PSMF1: variants seen among roughly 807,000 people sequenced by gnomAD.
PSMF1 encodes the protein proteasome inhibitor subunit 1, also known as proteasome inhibitor PI31 subunit.
PSMF1 carries 30 observed loss-of-function variants against 29.3 expected under a neutral mutation model. The ratio of observed to expected loss-of-function variants is 1.02; its 90% CI spans 0.77 to 1.39. The LOEUF (loss-of-function observed/expected upper bound fraction) is 1.39. Among genes scored for constraint, PSMF1 ranks in the 40% most tolerant of loss-of-function variants. PSMF1 has a pLI of 0.00. For missense variants in PSMF1, 344 were observed against 357.5 expected (o/e 0.96, Z 0.31); for synonymous variants, 134 against 139.7 (o/e 0.96, Z 0.29).
At chr20:1,125,420 T>A (rs1452710660) in intron 1 of PSMF1, 78 bp from the exon 2 acceptor site, 20 of 1,432,672 alleles carry the variant, frequency 1.4e-5, no homozygotes, top group Non-Finnish European at 1.7e-5. Flanking sequence ...TGGGTAAGAT[T>A]AGCTTATCTC....
rs543445751 is a variant in PSMF1, at chr20:1,140,471, C to G, written c.551+5165C>G. Reference sequence around the variant, plus strand: ...ACACACCTGAGTGTAAGAGCTTGAACTATAAAATTTCTAGACCTAGAAATA... The same window carrying G: ...ACACACCTGAGTGTAAGAGCTTGAAGTATAAAATTTCTAGACCTAGAAATA... On this transcript the variant is annotated intron_variant, in intron 4 of 6. Transcript: ENST00000335877. Among the ~76,000 whole-genome samples the G allele has an allele frequency of 2.4e-3, 368 of 152,260 alleles. 1 individual carries two copies. Among genetic ancestry groups the G allele is most frequent in the Non-Finnish European group, 3.1e-3 (213 of 68,022 alleles).
In PSMF1 at chr20:1,166,579, G is replaced by T; in HGVS notation, c.*1499G>T. 1 of 332,736 alleles carries T rather than the reference G, an allele frequency of 3.0e-6. No individual in the cohort carries two copies. 20.6% of individuals were successfully genotyped at this position (332,736 alleles called of 1,614,324 possible). ...TCTCAGATGGAAGCTGGGCCTGGGT[G>T]GGGAGGCTAGCATGCGTGGCTCCCT... On this transcript the variant is annotated 3_prime_UTR_variant, in exon 7 of 7. Transcript: ENST00000335877.
At chr20:1,121,021 T>A (rs1200257024) in intron 1 of PSMF1, among the ~76,000 whole-genome samples, 1 of 152,146 alleles carries the variant, frequency 6.6e-6, no homozygotes. Flanking sequence ...GGGACATGAG[T>A]TCACATAAGT....
chr20:1,161,735 G>C, intron 4 of PSMF1: 1 of 530,148 alleles, frequency 1.9e-6, no homozygotes, highest in Non-Finnish European at 3.6e-6. Flanking sequence ...TGCTGCATAG[G>C]ATAATTCACA....
At chr20:1,136,632 G>A (rs963132843) in intron 4 of PSMF1, among the ~76,000 whole-genome samples, 1 of 152,202 alleles carries the variant, frequency 6.6e-6, no homozygotes, top group African/African-American at 2.4e-5. Context: ...TTGATAAGAT[G>A]ATGATGTGTA....
chr20:1,165,164 C>A lies in PSMF1; in HGVS notation c.*84C>A, dbSNP rs1439658164. 6 of 1,609,066 alleles carry A rather than the reference C, an allele frequency of 3.7e-6. No homozygotes were observed. The highest frequency in any genetic ancestry group is 4.2e-6 in the Non-Finnish European group (5 of 1,177,294). ...GTCCCCATCAGCAACCATGTTCTTG[C>A]AGGCTGGGGGCAAGGGATTCTGCTC... is the stretch of plus-strand genomic sequence containing the variant. On this transcript the variant is annotated 3_prime_UTR_variant, in exon 7 of 7. Coordinates refer to ENST00000335877, the MANE Select transcript of PSMF1 (RefSeq NM_006814.5).
chr20:1,129,383 A>G (rs2086200626), intron 3 of PSMF1, among the ~76,000 whole-genome samples: 1 of 152,202 alleles, frequency 6.6e-6, no homozygotes, highest in African/African-American at 2.4e-5. Context: ...GTTGCATTTA[A>G]TAGTATCTAA....
intron 2 of PSMF1, among the ~76,000 whole-genome samples, chr20:1,126,428 A>G (rs2086157319): frequency 6.6e-6 from 1 of 151,922 alleles, no homozygotes; most frequent in South Asian, 2.1e-4. Context: ...GATATACCTT[A>G]TTTGTTTTAA....
At chr20:1,113,461 C>CACACAA (rs1361847717) in intron 1 of PSMF1, 5 of 153,342 alleles carry the variant, frequency 3.3e-5, no homozygotes, top group African/African-American at 1.2e-4. Flanking sequence ...CACACACACA[C>CACACAA]ACACACACAC....
intron 4 of PSMF1, among the ~76,000 whole-genome samples, chr20:1,153,146 C>T (rs1433253977): frequency 6.6e-6 from 1 of 152,166 alleles, no homozygotes; most frequent in Admixed American, 6.6e-5. Flanking sequence ...TTCATAACAT[C>T]TGTAAGCTAA....
chr20:1,163,000 C>A, intron 4 of PSMF1, 130 bp from the exon 5 acceptor site: 1 of 924,108 alleles, frequency 1.1e-6, no homozygotes, highest in Non-Finnish European at 1.7e-6. Context: ...CCAAGGACCA[C>A]CCTGAAATAT....
chr20:1,119,022 A>G (rs1264105834), intron 1 of PSMF1, 120 bp downstream of exon 1: 10 of 1,397,760 alleles, frequency 7.2e-6, no homozygotes, highest in Non-Finnish European at 8.7e-6. Context: ...GGTCTGGGGC[A>G]GATGGCAGCG....
intron 3 of PSMF1, among the ~76,000 whole-genome samples, chr20:1,133,555 G>GTATATATATATATATATATATATATA (rs1311800612): frequency 1.7e-4 from 9 of 53,966 alleles, no homozygotes; most frequent in Admixed American, 5.9e-4. Context: ...CTATATATGT[G>GTATATATATATATATATATATATATA]TATATATATA....
intron 4 of PSMF1, among the ~76,000 whole-genome samples, chr20:1,146,703 T>C (rs1281054505): frequency 2.6e-5 from 4 of 152,190 alleles, no homozygotes; most frequent in Admixed American, 2.6e-4. Context: ...CTTTGAAGAA[T>C]GATCAGCTGG....
intron 1 of PSMF1, among the ~76,000 whole-genome samples, chr20:1,120,566 A>C (rs915019003): frequency 6.6e-6 from 1 of 151,852 alleles, no homozygotes; most frequent in Admixed American, 6.6e-5. Flanking sequence ...CACTTGTCTT[A>C]CTCCAGCTTT....
chr20:1,166,241 G>C lies in PSMF1; in HGVS notation c.*1161G>C. 6.2e-7 allele frequency: 1 copy of C among 1,612,488 alleles called. No homozygotes were observed. The highest frequency in any genetic ancestry group is 1.1e-5 in the South Asian group (1 of 90,914). ...ATCCTTTTCAGCCCGAGGCCTGACAGACGCGGGCAGTGATGAGCCCTGTTC... is the reference window on the plus strand; with the variant it reads ...ATCCTTTTCAGCCCGAGGCCTGACACACGCGGGCAGTGATGAGCCCTGTTC... On this transcript the variant is annotated 3_prime_UTR_variant, in exon 7 of 7. Coordinates refer to ENST00000335877, the MANE Select transcript of PSMF1 (RefSeq NM_006814.5).
At chr20:1,127,723 A>G (rs1408836118) in intron 3 of PSMF1, among the ~76,000 whole-genome samples, 1 of 152,222 alleles carries the variant, frequency 6.6e-6, no homozygotes, top group African/African-American at 2.4e-5. Context: ...GGTGCAGTCA[A>G]GAGTCCACAA....
At chr20:1,135,438 C>A in intron 4 of PSMF1, 132 bp downstream of exon 4, 1 of 1,012,760 alleles carries the variant, frequency 9.9e-7, no homozygotes, top group Non-Finnish European at 1.4e-6. Flanking sequence ...TCTTGGGGTG[C>A]ATGGAGTTAG....
At chr20:1,153,949 T>C (rs929273363) in intron 4 of PSMF1, among the ~76,000 whole-genome samples, 1 of 152,242 alleles carries the variant, frequency 6.6e-6, no homozygotes. Flanking sequence ...ATGAAAGTTA[T>C]TAAGTACAGT....
Sources: allele counts gnomAD v4.1 joint callset (sites outside exome capture counted in the v4.1 genomes callset), GRCh38; gene constraint gnomAD v4.1.1; transcripts MANE v1.5; gene names NCBI Gene and HGNC (gene_info 2026-07-23, HGNC 2026-07-21).